Variants in CPQ observed in about 807,000 individuals in gnomAD.
CPQ encodes Ser-Met dipeptidase.
CPQ carries 37 observed loss-of-function variants against 45.7 expected under a neutral mutation model. The observed-to-expected ratio is 0.81, with a 90% CI of 0.62 to 1.07. The LOEUF is 1.07. Among genes scored for constraint, CPQ ranks in the 50% least tolerant of loss-of-function variants. The probability of loss-of-function intolerance (pLI) is 0.00; values close to 1 mark genes in which losing one functional copy is unlikely to be tolerated. For synonymous variants in CPQ, 186 were observed against 205.8 expected (o/e 0.90, Z 0.82); for missense variants, 537 against 572.9 (o/e 0.94, Z 0.64).
chr8:96,952,979 T>A (rs1813292107), intron 4 of CPQ, among the ~76,000 whole-genome samples: 1 of 152,074 alleles, frequency 6.6e-6, no homozygotes, highest in Non-Finnish European at 1.5e-5. Flanking sequence ...ACAGCATAGC[T>A]CCAATTCAGG....
At chr8:97,073,042 G>A (rs1810774902) in intron 7 of CPQ, among the ~76,000 whole-genome samples, 1 of 152,118 alleles carries the variant, frequency 6.6e-6, no homozygotes, top group Non-Finnish European at 1.5e-5. Context: ...GATTAATTTA[G>A]TAACGACATC....
intron 2 of CPQ, among the ~76,000 whole-genome samples, chr8:96,819,206 T>C (rs896204821): frequency 3.7e-5 from 4 of 107,036 alleles, no homozygotes; most frequent in African/African-American, 1.1e-4. Context: ...GAGGGGCTAA[T>C]ATGAGGGAGC....
chr8:96,656,776 A>C (rs1815643292), intron 1 of CPQ, among the ~76,000 whole-genome samples: 1 of 152,218 alleles, frequency 6.6e-6, no homozygotes, highest in Non-Finnish European at 1.5e-5. Flanking sequence ...TTGGCTTTGC[A>C]AGTGAGCCAT....
chr8:96,661,163 A>G (rs1482653112), intron 1 of CPQ, among the ~76,000 whole-genome samples: 1 of 152,234 alleles, frequency 6.6e-6, no homozygotes, highest in African/African-American at 2.4e-5. Context: ...TAAAAAATGA[A>G]CATATCAAAT....
At chr8:96,695,744 C>A (rs2130741012) in intron 1 of CPQ, among the ~76,000 whole-genome samples, 1 of 151,468 alleles carries the variant, frequency 6.6e-6, no homozygotes, top group African/African-American at 2.5e-5. Flanking sequence ...CAATGAGATA[C>A]CATTTCACAC....
intron 7 of CPQ, among the ~76,000 whole-genome samples, chr8:97,100,733 A>G (rs1332094313): frequency 1.3e-5 from 2 of 152,188 alleles, no homozygotes; most frequent in African/African-American, 4.8e-5. Context: ...GTTATTATTT[A>G]TGACAACAGT....
intron 7 of CPQ, among the ~76,000 whole-genome samples, chr8:97,094,217 A>G (rs10098932): frequency 0.12 from 18,432 of 152,206 alleles, 1,922 homozygotes; most frequent in African/African-American, 0.28. Context: ...AGTGTCAAGA[A>G]AGAATTGAGT....
At chr8:97,086,479 T>C (rs1446554364) in intron 7 of CPQ, among the ~76,000 whole-genome samples, 10 of 152,224 alleles carry the variant, frequency 6.6e-5, no homozygotes, top group Admixed American at 6.5e-4. Context: ...ATCTGAAATC[T>C]GCTCTGTTTG....
chr8:96,882,841 T>C (rs1276165940), intron 4 of CPQ, among the ~76,000 whole-genome samples: 1 of 152,200 alleles, frequency 6.6e-6, no homozygotes, highest in Non-Finnish European at 1.5e-5. Flanking sequence ...TTGATGAGTT[T>C]GGAAAATGTA....
chr8:96,789,252 A>G (rs1027157638), intron 2 of CPQ, among the ~76,000 whole-genome samples: 1 of 152,050 alleles, frequency 6.6e-6, no homozygotes, highest in Non-Finnish European at 1.5e-5. Flanking sequence ...TATTTAAAAT[A>G]ATAATTTAAA....
At chr8:96,894,342 A>G (rs1404962615) in intron 4 of CPQ, among the ~76,000 whole-genome samples, 1 of 152,232 alleles carries the variant, frequency 6.6e-6, no homozygotes, top group African/African-American at 2.4e-5. Context: ...TACAGCAATT[A>G]AAGGGCACAA....
chr8:97,020,440 G>T (rs1173632309), intron 5 of CPQ, among the ~76,000 whole-genome samples: 2 of 151,992 alleles, frequency 1.3e-5, no homozygotes, highest in East Asian at 1.9e-4. Flanking sequence ...CAAAAAGCTG[G>T]TTTTTTGGAA....
intron 7 of CPQ, among the ~76,000 whole-genome samples, chr8:97,131,651 T>C (rs1811959307): frequency 1.3e-5 from 2 of 152,206 alleles, no homozygotes; most frequent in Admixed American, 6.5e-5. Context: ...GCTGCCACTT[T>C]GACATCACCC....
At chr8:96,819,838 T>C (rs1811278023) in intron 2 of CPQ, among the ~76,000 whole-genome samples, 1 of 152,042 alleles carries the variant, frequency 6.6e-6, no homozygotes. Context: ...CGGAAAGCCA[T>C]GTTTCATCTC....
intron 5 of CPQ, among the ~76,000 whole-genome samples, chr8:97,004,834 G>A (rs981108022): frequency 6.6e-6 from 1 of 152,008 alleles, no homozygotes; most frequent in African/African-American, 2.4e-5. Flanking sequence ...GATTAAGAAA[G>A]AAAGATTAAA....
intron 1 of CPQ, among the ~76,000 whole-genome samples, chr8:96,649,538 T>C (rs1815554724): frequency 6.6e-6 from 1 of 152,154 alleles, no homozygotes; most frequent in South Asian, 2.1e-4. Flanking sequence ...TTGAAAATAA[T>C]CTGAGGTTTT....
chr8:96,925,292 T>C (rs1039317502), intron 4 of CPQ, among the ~76,000 whole-genome samples: 27 of 152,068 alleles, frequency 1.8e-4, no homozygotes, highest in Admixed American at 7.2e-4. Flanking sequence ...TTGGCTGCAG[T>C]TGGGGAGCTG....
intron 6 of CPQ, among the ~76,000 whole-genome samples, chr8:97,041,749 G>T (rs1810130068): frequency 6.6e-6 from 1 of 152,104 alleles, no homozygotes; most frequent in Non-Finnish European, 1.5e-5. Flanking sequence ...TAATCATGTG[G>T]TTTTTGTCTT....
At chr8:96,684,886 T>C (rs995486628) in intron 1 of CPQ, among the ~76,000 whole-genome samples, 3 of 151,648 alleles carry the variant, frequency 2.0e-5, no homozygotes, top group Admixed American at 6.6e-5. Flanking sequence ...TATCACGAGG[T>C]CTGGAGTTCG....
Sources: gnomAD v4.1 joint callset for allele counts (sites outside exome capture counted in the v4.1 genomes callset) on GRCh38, gnomAD v4.1.1 for gene constraint, MANE v1.5 for transcripts, NCBI Gene and HGNC (gene_info 2026-07-23, HGNC 2026-07-21) for gene names.